TBX1: variants seen among roughly 807,000 people sequenced by gnomAD.
TBX1 encodes the protein T-box transcription factor 1.
A neutral mutation model predicts 40.8 loss-of-function variants in TBX1; 16 were observed. The ratio of observed to expected loss-of-function variants is 0.39; its 90% CI spans 0.27 to 0.60. The LOEUF is 0.60. Among genes scored for constraint, TBX1 ranks in the 20% least tolerant of loss-of-function variants. TBX1 has a pLI of 0.51. For synonymous variants in TBX1, 403 were observed against 336.8 expected (o/e 1.20, Z -2.15); for missense variants, 755 against 728.5 (o/e 1.04, Z -0.42).
upstream of TBX1, among the ~76,000 whole-genome samples, chr22:19,758,746 G>A (rs560099719): frequency 1.4e-4 from 22 of 152,298 alleles, no homozygotes; most frequent in African/African-American, 4.8e-4. Flanking sequence ...ATGTATAAGC[G>A]TCCTGGCCAG....
chr22:19,782,765 C>A (rs1937154107), downstream of TBX1: 2 of 1,407,204 alleles, frequency 1.4e-6, no homozygotes, highest in East Asian at 4.9e-5. Context: ...CTAGCTCCTT[C>A]CCTGTTTCTG....
intron 8 of TBX1, among the ~76,000 whole-genome samples, chr22:19,776,137 C>T (rs1323912141): frequency 1.3e-5 from 2 of 152,132 alleles, no homozygotes; most frequent in African/African-American, 2.4e-5. Flanking sequence ...GAAGTCCCAG[C>T]GGCTTCCCCA....
At position 19,760,981 on chromosome 22, in the gene TBX1, G is replaced by T; in HGVS notation, c.138G>T (p.Pro46=). 1.0e-6 allele frequency: 1 copy of T among 967,874 alleles called. No individual in the cohort carries two copies. Among genetic ancestry groups the T allele is most frequent in the African/African-American group, 1.8e-5 (1 of 56,124 alleles). 60.0% of individuals were successfully genotyped at this position (967,874 alleles called of 1,614,324 possible). Residue 46 remains proline, a synonymous_variant, in exon 1 of 7, where the codon CCG becomes CCT. Transcript: ENST00000649276. ...FPGAASPGAD[P]YGPREPPPPP... is the part of the protein sequence containing the mutation. ...GCGCCGCGTCGCCCGGCGCCGACCCGTACGGCCCGCGCGAGCCCCCGCCGC... is the reference window on the plus strand; with the variant it reads ...GCGCCGCGTCGCCCGGCGCCGACCCTTACGGCCCGCGCGAGCCCCCGCCGC...
In TBX1 at chr22:19,766,603, G is replaced by A. The variant is rs770781746; in HGVS notation, c.1251G>A (p.Ser417=). The part of the protein sequence containing the change: ...PELRLEAPGA[S]EPLHHHPYKY... ...TGCGCCTGGAGGCGCCCGGCGCATC[G>A]GAGCCGCTGCACCACCACCCCTACA... Residue 417 remains serine (S), a synonymous_variant, in exon 7 of 7, where the codon TCG becomes TCA. Transcript: ENST00000649276. The A allele has an allele frequency of 1.2e-5, 18 of 1,505,512 alleles. No homozygotes were observed. Among genetic ancestry groups the A allele is most frequent in the South Asian group, 6.2e-5 (5 of 81,212 alleles). The allele number at this position is 1,505,512 out of a possible 1,614,324, so 93.3% of individuals were successfully genotyped here.
At chr22:19,760,711 G>T (rs1936623701), upstream of TBX1, among the ~76,000 whole-genome samples, 1 of 116,684 alleles carries the variant, frequency 8.6e-6, no homozygotes, top group Non-Finnish European at 1.8e-5. Flanking sequence ...GGGGCGGGGC[G>T]CCTCCTCGGG....
downstream of TBX1, chr22:19,783,145 T>C: frequency 7.0e-6 from 5 of 713,044 alleles, no homozygotes; most frequent in South Asian, 5.8e-5. Flanking sequence ...CCCCGTGGAG[T>C]AGACAAACTG....
At chr22:19,783,540 A>C, downstream of TBX1, 1 of 187,112 alleles carries the variant, frequency 5.3e-6, no homozygotes, top group Non-Finnish European at 1.1e-5. Context: ...ACAGAGTGAG[A>C]CCCCCACTGT....
At chr22:19,761,520 G>A in intron 1 of TBX1, among the ~76,000 whole-genome samples, 1 of 151,702 alleles carries the variant, frequency 6.6e-6, no homozygotes, top group East Asian at 1.9e-4. Flanking sequence ...GACGGCGCGG[G>A]CCGCACGGGA....
downstream of TBX1, among the ~76,000 whole-genome samples, chr22:19,767,568 A>C (rs1936907004): frequency 1.4e-5 from 2 of 145,916 alleles, no homozygotes; most frequent in African/African-American, 2.6e-5. Flanking sequence ...AGGCCTGTGC[A>C]CTCCCCCCAC....
At chr22:19,769,122 G>A (rs951737358), downstream of TBX1, among the ~76,000 whole-genome samples, 4 of 151,942 alleles carry the variant, frequency 2.6e-5, no homozygotes, top group South Asian at 8.3e-4. Context: ...CACCATGCCC[G>A]GCTAATTTTT....
downstream of TBX1, among the ~76,000 whole-genome samples, chr22:19,780,777 T>G (rs28788191): frequency 8.8e-4 from 50 of 56,862 alleles, no homozygotes; most frequent in African/African-American, 4.0e-3. Flanking sequence ...TTGTTTTCTG[T>G]TTTTTTTTTT....
At chr22:19,782,638 G>T (rs186375271), downstream of TBX1, among the ~76,000 whole-genome samples, 19 of 152,262 alleles carry the variant, frequency 1.2e-4, no homozygotes, top group Admixed American at 2.6e-4. Flanking sequence ...TATCACACCC[G>T]CAGGGCTGAG....
chr22:19,761,926 CAAG>C (rs1362510107), intron 1 of TBX1, among the ~76,000 whole-genome samples: 1 of 152,186 alleles, frequency 6.6e-6, no homozygotes, highest in Non-Finnish European at 1.5e-5. Context: ...GACCAAGAGA[CAAG>C]GGGAACAAGT....
At chr22:19,763,531 C>T (rs572775044) in intron 2 of TBX1, 189 bp downstream of exon 2, 16 of 617,946 alleles carry the variant, frequency 2.6e-5, no homozygotes, top group Non-Finnish European at 4.3e-5. Flanking sequence ...ACTCCATGCC[C>T]TCTCAGAACC....
At chr22:19,777,071 AATT>A (rs1450035277) in intron 8 of TBX1, among the ~76,000 whole-genome samples, 11 of 128,712 alleles carry the variant, frequency 8.5e-5, no homozygotes, top group African/African-American at 3.0e-4. Context: ...AATATAATTT[AATT>A]ATTATTATAC....
At chr22:19,769,114 C>T (rs1192735577), downstream of TBX1, among the ~76,000 whole-genome samples, 1 of 152,050 alleles carries the variant, frequency 6.6e-6, no homozygotes, top group Non-Finnish European at 1.5e-5. Context: ...GAATGTACCA[C>T]CATGCCCGGC....
intron 6 of TBX1, 88 bp downstream of exon 6, chr22:19,766,090 C>T (rs1255902552): frequency 8.6e-7 from 1 of 1,165,130 alleles, no homozygotes; most frequent in Non-Finnish European, 1.1e-6. Flanking sequence ...CCTGCGCCCC[C>T]GGGGCGCTCC....
At chr22:19,774,157 G>C (rs1937031225) in intron 8 of TBX1, among the ~76,000 whole-genome samples, 1 of 152,254 alleles carries the variant, frequency 6.6e-6, no homozygotes, top group Non-Finnish European at 1.5e-5. Flanking sequence ...TGGTGGGACT[G>C]TAAGATAGTG....
intron 8 of TBX1, among the ~76,000 whole-genome samples, chr22:19,775,808 C>G (rs1054980320): frequency 6.6e-6 from 1 of 152,188 alleles, no homozygotes; most frequent in African/African-American, 2.4e-5. Context: ...ACTCCTCCCC[C>G]TGCCCAAGTG....
Sources: allele counts gnomAD v4.1 joint callset (sites outside exome capture counted in the v4.1 genomes callset), GRCh38; gene constraint gnomAD v4.1.1; transcripts MANE v1.5; gene names NCBI Gene and HGNC (gene_info 2026-07-23, HGNC 2026-07-21).